Variants in MCC observed in about 807,000 individuals in gnomAD.
The protein encoded by MCC is MCC regulator of Wnt signaling pathway.
MCC carries 90 observed loss-of-function variants against 116.2 expected under a neutral mutation model. That is an observed-to-expected ratio of 0.77 (90% confidence interval 0.65 to 0.92). The LOEUF is 0.92. Ranked by LOEUF, MCC falls within the 40% of genes least tolerant of loss-of-function variation. The pLI is 0.00. For synonymous variants in MCC, 578 were observed against 510.5 expected (o/e 1.13, Z -1.78); for missense variants, 1,516 against 1,312.2 (o/e 1.16, Z -2.40).
chr5:113,241,336 T>C lies in MCC; in HGVS notation c.628-89914A>G, dbSNP rs150315468. Among the ~76,000 whole-genome samples, 304 of 152,322 alleles carry C rather than the reference T, an allele frequency of 2.0e-3. 6 individuals carry two copies. The highest frequency in any genetic ancestry group is 0.016 in the Admixed American group (245 of 15,306). ...GAGGGAAGATAGCAGAGGAGTGATT[T>C]CAACAAATTTTGGAAAGACAGAATA... On this transcript the variant is annotated intron_variant, in intron 3 of 18. Coordinates refer to ENST00000408903, the MANE Select transcript of MCC (RefSeq NM_001085377.2).
chr5:113,272,466 A>C (rs990427271), intron 3 of MCC, among the ~76,000 whole-genome samples: 2 of 152,222 alleles, frequency 1.3e-5, no homozygotes, highest in Non-Finnish European at 2.9e-5. Flanking sequence ...AAAAATAAGC[A>C]ATTTAATTTC....
At position 113,262,800 on chromosome 5, in the gene MCC, T is replaced by C. The variant is rs139635674; in HGVS notation, c.627+77719A>G. 1.0e-2 allele frequency among the ~76,000 whole-genome samples: 1,516 copies of C among 152,260 alleles called. 15 individuals are homozygous for C. Among genetic ancestry groups the C allele is most frequent in the South Asian group, 0.024 (115 of 4,808 alleles). On this transcript the variant is annotated intron_variant, in intron 3 of 18. Transcript: ENST00000408903. ...CCCTGATTTTCTGATTAAGGAGATC[T>C]AGAAATGGGCTTGATAATTTGCATT... is the stretch of plus-strand genomic sequence containing the variant.
At chr5:113,360,670 T>G (rs924468027) in intron 2 of MCC, among the ~76,000 whole-genome samples, 4 of 152,240 alleles carry the variant, frequency 2.6e-5, no homozygotes, top group African/African-American at 9.6e-5. Context: ...ATTATGTTTT[T>G]CTGGAAATTC....
intron 3 of MCC, among the ~76,000 whole-genome samples, chr5:113,276,177 C>T (rs1014606618): frequency 6.6e-6 from 1 of 152,076 alleles, no homozygotes; most frequent in African/African-American, 2.4e-5. Flanking sequence ...ACACGCCTCC[C>T]CTGACTCCCT....
At position 113,138,313 on chromosome 5, in the gene MCC, C is replaced by T. The variant is rs186491234; in HGVS notation, c.884+4905G>A. Among the ~76,000 whole-genome samples the T allele has an allele frequency of 8.3e-4, 127 of 152,296 alleles. 1 individual carries two copies. The highest frequency in any genetic ancestry group is 5.8e-3 in the East Asian group (30 of 5,172). ...GGCATGAGCCACCACGCCTGGCCCA[C>T]GCCAAAATTCTTATGTTGAAGCCTT... On this transcript the variant is annotated intron_variant, in intron 5 of 18. Transcript: ENST00000408903.
chr5:113,440,865 G>T (rs1453549358), intron 1 of MCC, among the ~76,000 whole-genome samples: 1 of 152,150 alleles, frequency 6.6e-6, no homozygotes, highest in Non-Finnish European at 1.5e-5. Context: ...GATAATGAAA[G>T]ATCCACCTGA....
intron 3 of MCC, among the ~76,000 whole-genome samples, chr5:113,229,154 C>T (rs1331685711): frequency 1.3e-5 from 2 of 152,088 alleles, no homozygotes; most frequent in Non-Finnish European, 2.9e-5. Flanking sequence ...GGCTTTAGGA[C>T]ATCCCAACAT....
intron 18 of MCC, among the ~76,000 whole-genome samples, chr5:113,028,698 T>G (rs1316484963): frequency 1.1e-4 from 16 of 152,188 alleles, no homozygotes; most frequent in Admixed American, 1.0e-3. Context: ...GTATGCTACA[T>G]TTGGCCAAAG....
intron 11 of MCC, among the ~76,000 whole-genome samples, chr5:113,074,014 C>G (rs1754237273): frequency 6.6e-6 from 1 of 152,234 alleles, no homozygotes; most frequent in Non-Finnish European, 1.5e-5. Context: ...CCCTGTCTGA[C>G]AGCTATGAAG....
rs551002347 is a variant in MCC at position 113,067,674 on chromosome 5, A to G, written c.2029+406T>C. 3.9e-5 allele frequency among the ~76,000 whole-genome samples: 6 copies of G among 152,354 alleles called. No homozygotes were observed. The South Asian group carries it at 1.2e-3, about 32-fold the overall frequency. On this transcript the variant is annotated intron_variant, in intron 13 of 18. Transcript: ENST00000408903. ...CAAAAAAAACAACTACTACTCAAAG[A>G]GGTAAACTTGGAGAAGCTCAGCCAA...
chr5:113,317,127 C>A (rs1351193011), intron 3 of MCC, among the ~76,000 whole-genome samples: 1 of 152,108 alleles, frequency 6.6e-6, no homozygotes, highest in Non-Finnish European at 1.5e-5. Flanking sequence ...AGCGGGATAC[C>A]AGGTTTTGAA....
At chr5:113,273,117 C>G (rs1451374436) in intron 3 of MCC, among the ~76,000 whole-genome samples, 1 of 152,162 alleles carries the variant, frequency 6.6e-6, no homozygotes, top group Non-Finnish European at 1.5e-5. Flanking sequence ...AAAAGAATAT[C>G]TTAATCTGTA....
chr5:113,263,937 GA>G (rs368786926), intron 3 of MCC, among the ~76,000 whole-genome samples: 4,906 of 142,026 alleles, frequency 0.035, 107 homozygotes, highest in African/African-American at 0.059. Flanking sequence ...AAGAAAAAAA[GA>G]AAAAAAAAAA....
At chr5:113,224,219 C>G (rs924117595) in intron 3 of MCC, among the ~76,000 whole-genome samples, 5 of 152,014 alleles carry the variant, frequency 3.3e-5, no homozygotes, top group Non-Finnish European at 7.4e-5. Flanking sequence ...CTCAGCCTTC[C>G]GAGTAGTTGG....
At chr5:113,450,970 T>C (rs1283299866) in intron 1 of MCC, among the ~76,000 whole-genome samples, 1 of 152,210 alleles carries the variant, frequency 6.6e-6, no homozygotes, top group African/African-American at 2.4e-5. Context: ...TCCTTTTTTT[T>C]CACCCCCATT....
intron 16 of MCC, chr5:113,048,886 A>C (rs1752293394): frequency 1.7e-6 from 1 of 597,688 alleles, no homozygotes; most frequent in Non-Finnish European, 3.0e-6. Context: ...CAACTATTAC[A>C]TAAAGTGAGA....
Position 113,022,686 on chromosome 5 carries a change from G to A in MCC, c.*4616C>T, listed in dbSNP as rs995631478. The A allele has an allele frequency of 1.3e-5, 2 of 152,208 alleles. No individual in the cohort carries two copies. The highest frequency in any genetic ancestry group is 4.1e-4 in the South Asian group (2 of 4,834). 9.4% of individuals were successfully genotyped at this position (152,208 alleles called of 1,614,324 possible). A position where few individuals can be genotyped will look rare whatever the true frequency, so the allele number is the denominator to read the frequency against. On this transcript the variant is annotated 3_prime_UTR_variant, in exon 19 of 19. Coordinates refer to ENST00000408903, the MANE Select transcript of MCC (RefSeq NM_001085377.2). ...ATTTGACTTGCAAAAAGTGCAAAAG[G>A]GAATGGTAGAACCAGAATTACTAAG...
At chr5:113,163,697 A>G (rs1401293907) in intron 3 of MCC, among the ~76,000 whole-genome samples, 2 of 152,192 alleles carry the variant, frequency 1.3e-5, no homozygotes, top group Non-Finnish European at 2.9e-5. Flanking sequence ...TAAAGTTAGC[A>G]AATTAGAAAA....
chr5:113,160,290 C>T (rs1217664628), intron 3 of MCC, among the ~76,000 whole-genome samples: 1 of 152,194 alleles, frequency 6.6e-6, no homozygotes, highest in African/African-American at 2.4e-5. Context: ...GACTGACAAT[C>T]AGCTTTAAAG....
Sources: gnomAD v4.1 joint callset for allele counts (sites outside exome capture counted in the v4.1 genomes callset) on GRCh38, gnomAD v4.1.1 for gene constraint, MANE v1.5 for transcripts, NCBI Gene and HGNC (gene_info 2026-07-23, HGNC 2026-07-21) for gene names.